PCDH15: variants seen among roughly 807,000 people sequenced by gnomAD.
PCDH15 encodes protocadherin related 15, also known as protocadherin-15.
Under a neutral mutation model 178.5 loss-of-function variants are expected in PCDH15, and 129 were observed. The observed-to-expected ratio is 0.72, with a 90% CI of 0.63 to 0.84. The LOEUF is 0.84. Ranked by LOEUF, PCDH15 falls within the 40% of genes least tolerant of loss-of-function variation. The pLI, the probability that PCDH15 is intolerant of heterozygous loss-of-function variation, is 0.00. For missense variants in PCDH15, 2,230 were observed against 2,099.9 expected, an observed-to-expected ratio of 1.06 and a Z score of -1.21; for synonymous variants, 800 against 732.0, an observed-to-expected ratio of 1.09 and a Z score of -1.50.
intron 13 of PCDH15, among the ~76,000 whole-genome samples, chr10:54,160,797 T>C (rs977328503): frequency 6.6e-6 from 1 of 152,250 alleles, no homozygotes; most frequent in South Asian, 2.1e-4. Flanking sequence ...AATAAGCACA[T>C]GGAAGTATCT....
intron 15 of PCDH15, among the ~76,000 whole-genome samples, chr10:54,095,034 C>T (rs894675872): frequency 1.3e-5 from 2 of 152,152 alleles, no homozygotes; most frequent in Non-Finnish European, 2.9e-5. Context: ...TGATAGAGTG[C>T]ATTTTATGTG....
intron 2 of PCDH15, among the ~76,000 whole-genome samples, chr10:55,355,032 C>A (rs994515062): frequency 3.6e-4 from 55 of 151,948 alleles, no homozygotes; most frequent in Admixed American, 3.5e-3. Context: ...TGTCTTATTT[C>A]ATTTAGGAGA....
At chr10:55,073,788 G>T (rs986367096) in intron 2 of PCDH15, among the ~76,000 whole-genome samples, 3 of 151,840 alleles carry the variant, frequency 2.0e-5, no homozygotes, top group African/African-American at 7.3e-5. Flanking sequence ...GGCTTTTTTG[G>T]GGGGGAGAAT....
chr10:54,072,664 C>T (rs922975982), intron 17 of PCDH15, among the ~76,000 whole-genome samples: 1 of 152,022 alleles, frequency 6.6e-6, no homozygotes, highest in African/African-American at 2.4e-5. Context: ...GAAATGATGA[C>T]TGGGAAACTA....
intron 17 of PCDH15, among the ~76,000 whole-genome samples, chr10:54,069,141 C>T (rs1474626659): frequency 2.0e-5 from 3 of 152,170 alleles, no homozygotes; most frequent in Middle Eastern, 3.4e-3. Context: ...TCCCAATTTG[C>T]CTGAGGGTTA....
At chr10:55,341,929 G>A (rs1049472713) in intron 2 of PCDH15, among the ~76,000 whole-genome samples, 3 of 147,634 alleles carry the variant, frequency 2.0e-5, no homozygotes, top group Non-Finnish European at 4.5e-5. Context: ...TCACAGGCAG[G>A]AGCCACCCTT....
At chr10:55,474,171 G>A (rs1326938647) in intron 2 of PCDH15, among the ~76,000 whole-genome samples, 1 of 152,068 alleles carries the variant, frequency 6.6e-6, no homozygotes, top group Non-Finnish European at 1.5e-5. Context: ...ATGAAATTGG[G>A]TAAAAATAAG....
intron 4 of PCDH15, among the ~76,000 whole-genome samples, chr10:54,370,031 T>C (rs118004721): frequency 6.6e-6 from 1 of 152,130 alleles, no homozygotes; most frequent in Non-Finnish European, 1.5e-5. Flanking sequence ...TTATAAAAAA[T>C]ACTTCAATAC....
intron 2 of PCDH15, among the ~76,000 whole-genome samples, chr10:54,652,900 C>T (rs2094293801): frequency 6.6e-6 from 1 of 152,112 alleles, no homozygotes; most frequent in East Asian, 1.9e-4. Flanking sequence ...CATTTCAATC[C>T]CATGGTAGGA....
rs185143766 is a variant in PCDH15 at position 54,371,861 on chromosome 10, G to T, written c.319-2586C>A. Among the ~76,000 whole-genome samples, 577 of 151,654 alleles carry T rather than the reference G, an allele frequency of 3.8e-3. 4 individuals are homozygous for T. The highest frequency in any genetic ancestry group is 0.013 in the African/African-American group (519 of 41,434). On this transcript the variant is annotated intron_variant, in intron 4 of 37. Transcript: ENST00000644397. The stretch of plus-strand genomic sequence containing the variant: ...ATTTCTTTTTTTCACATTTGTCTTT[G>T]TATAAAATAAAGAAAAATCAGGAGG...
intron 1 of PCDH15, among the ~76,000 whole-genome samples, chr10:55,168,536 G>T (rs976245864): frequency 1.3e-5 from 2 of 152,136 alleles, no homozygotes; most frequent in Non-Finnish European, 2.9e-5. Context: ...CTGTACATTT[G>T]TGAACAGTGC....
At chr10:54,087,642 G>A (rs1028356880) in intron 16 of PCDH15, among the ~76,000 whole-genome samples, 12 of 152,130 alleles carry the variant, frequency 7.9e-5, no homozygotes, top group African/African-American at 2.2e-4. Flanking sequence ...GTAGATGCAC[G>A]TCTTCATTTC....
At chr10:55,471,955 C>A (rs761328403) in intron 2 of PCDH15, among the ~76,000 whole-genome samples, 20 of 152,158 alleles carry the variant, frequency 1.3e-4, no homozygotes, top group Non-Finnish European at 2.5e-4. Flanking sequence ...TGACTCACGG[C>A]CAATATGGAA....
At chr10:54,853,639 A>C (rs930352917) in intron 3 of PCDH15, among the ~76,000 whole-genome samples, 2 of 145,548 alleles carry the variant, frequency 1.4e-5, no homozygotes, top group Non-Finnish European at 3.1e-5. Flanking sequence ...CTGGAAAAAA[A>C]AAGATTTTTT....
intron 2 of PCDH15, among the ~76,000 whole-genome samples, chr10:54,625,708 A>G (rs11004418): frequency 0.49 from 74,961 of 152,004 alleles, 19,922 homozygotes; most frequent in Non-Finnish European, 0.6. Flanking sequence ...AGTCTCAGGT[A>G]TGTCTTTATC....
chr10:54,720,518 C>CAAAAAA (rs34014038), intron 1 of PCDH15, among the ~76,000 whole-genome samples: 2,341 of 149,286 alleles, frequency 0.016, 56 homozygotes, highest in African/African-American at 0.052. Flanking sequence ...TAGTCTCTTC[C>CAAAAAA]AAAAAAAAAT....
At position 54,572,827 on chromosome 10, in the gene PCDH15, A is replaced by G. The variant is rs183164819; in HGVS notation, c.92-44950T>C. Among the ~76,000 whole-genome samples, 10 of 152,254 alleles carry G rather than the reference A, an allele frequency of 6.6e-5. No individual in the cohort carries two copies. The East Asian group carries it at 1.9e-3, about 29-fold the overall frequency. ...ACAAGTAACCAGAAAAATAAAAGAG[A>G]AAAAGGATAATTCACTTCTCTATTG... On this transcript the variant is annotated intron_variant, in intron 2 of 37. Coordinates refer to ENST00000644397, the MANE Select transcript of PCDH15 (RefSeq NM_001384140.1).
chr10:54,307,013 TAC>T lies in PCDH15; in HGVS notation c.876+10256_876+10257del, dbSNP rs201668236. ...GTTTGAAATTAAATATATATATATA[TAC>T]ATATATATATATATGTGTGTGTGTG... On this transcript the variant is annotated intron_variant, in intron 8 of 37. Coordinates refer to ENST00000644397, the MANE Select transcript of PCDH15 (RefSeq NM_001384140.1). 7.9e-3 allele frequency among the ~76,000 whole-genome samples: 380 copies of T among 48,072 alleles called. 33 individuals carry two copies. Among genetic ancestry groups the T allele is most frequent in the African/African-American group, 0.01 (179 of 17,450 alleles). 31.5% of individuals were successfully genotyped at this position (48,072 alleles called of 152,430 possible). A position where few individuals can be genotyped will look rare whatever the true frequency, so the allele number is the denominator to read the frequency against.
chr10:55,074,735 C>G (rs1841838306), intron 2 of PCDH15, among the ~76,000 whole-genome samples: 2 of 152,042 alleles, frequency 1.3e-5, no homozygotes, highest in African/African-American at 4.8e-5. Context: ...TCACATTTGT[C>G]TATTTTGGCC....
Sources: allele counts gnomAD v4.1 joint callset (sites outside exome capture counted in the v4.1 genomes callset), GRCh38; gene constraint gnomAD v4.1.1; transcripts MANE v1.5; gene names NCBI Gene and HGNC (gene_info 2026-07-23, HGNC 2026-07-21).